Variants in NXN observed in about 807,000 individuals in gnomAD.
The protein encoded by NXN is nucleoredoxin 1.
Under a neutral mutation model 48.6 loss-of-function variants are expected in NXN, and 16 were observed. The observed-to-expected ratio is 0.33, with a 90% CI of 0.22 to 0.50. NXN has a LOEUF of 0.50. NXN is among the 20% of genes least tolerant of loss of function. The probability of loss-of-function intolerance (pLI) is 0.98; values close to 1 mark genes in which losing one functional copy is unlikely to be tolerated. For missense variants in NXN, 492 were observed against 605.5 expected, an observed-to-expected ratio of 0.81 and a Z score of 1.97; for synonymous variants, 281 against 269.6, an observed-to-expected ratio of 1.04 and a Z score of -0.41.
intron 5 of NXN, among the ~76,000 whole-genome samples, chr17:814,297 G>A (rs1912346584): frequency 6.6e-6 from 1 of 151,954 alleles, no homozygotes; most frequent in Non-Finnish European, 1.5e-5. Flanking sequence ...GGCTGTCCTA[G>A]GGTACCTTAT....
intron 1 of NXN, among the ~76,000 whole-genome samples, chr17:832,657 C>A (rs1342288624): frequency 2.0e-5 from 3 of 152,122 alleles, no homozygotes; most frequent in Non-Finnish European, 4.4e-5. Flanking sequence ...CCCTGCCCTG[C>A]CCCCAGTCTC....
chr17:972,843 A>G (rs1042881892), intron 1 of NXN, among the ~76,000 whole-genome samples: 2 of 152,148 alleles, frequency 1.3e-5, no homozygotes, highest in African/African-American at 4.8e-5. Flanking sequence ...CATCATGGCT[A>G]ACACGGTGAA....
intron 5 of NXN, among the ~76,000 whole-genome samples, chr17:805,913 C>T (rs1247336715): frequency 3.3e-5 from 5 of 152,106 alleles, no homozygotes; most frequent in Admixed American, 6.6e-5. Context: ...TGCTGGTCTC[C>T]CAAAGACACA....
chr17:855,609 A>G (rs1325050691), intron 1 of NXN, among the ~76,000 whole-genome samples: 1 of 152,220 alleles, frequency 6.6e-6, no homozygotes, highest in African/African-American at 2.4e-5. Context: ...CAGTCCTCCC[A>G]TTCTCCAGCA....
chr17:813,919 T>C (rs367946117), intron 5 of NXN, among the ~76,000 whole-genome samples: 1 of 147,200 alleles, frequency 6.8e-6, no homozygotes, highest in African/African-American at 2.5e-5. Context: ...TGAGCCAAGA[T>C]TGTGCCAATG....
chr17:836,670 T>A (rs1913841376), intron 1 of NXN, among the ~76,000 whole-genome samples: 2 of 152,180 alleles, frequency 1.3e-5, no homozygotes, highest in African/African-American at 2.4e-5. Context: ...TATCTCACCG[T>A]CTCTTGGCTT....
chr17:871,308 A>G (rs1206277646), intron 1 of NXN, among the ~76,000 whole-genome samples: 1 of 151,696 alleles, frequency 6.6e-6, no homozygotes, highest in East Asian at 1.9e-4. Flanking sequence ...GACCTCAATG[A>G]TGAGGCCAAC....
chr17:886,710 G>A (rs1398570364), intron 1 of NXN, among the ~76,000 whole-genome samples: 5 of 151,824 alleles, frequency 3.3e-5, no homozygotes, highest in African/African-American at 7.3e-5. Flanking sequence ...CTCGGGAGGT[G>A]GAGCTTGCAG....
In NXN at chr17:823,656, C is replaced by T. The variant is rs1402767184; in HGVS notation, c.588G>A (p.Val196=). 4 of 1,613,986 alleles carry T rather than the reference C, an allele frequency of 2.5e-6. No homozygotes were observed. The African/African-American group carries it at 4.0e-5, about 16-fold the overall frequency. The change falls in exon 3 of 8, where the codon GTG becomes GTA. Residue 196 remains valine, a synonymous_variant. Coordinates refer to ENST00000336868, the MANE Select transcript of NXN (RefSeq NM_022463.5). ...LESSSLEGSH[V]GVYFSAHWCP... ...CCCAATGTGCGGAGAAATAGACGCC[C>T]ACGTGAGACCCCTCCAGGCTGCTGC...
rs1051727952 is a variant in NXN at position 920,435 on chromosome 17, G to A, written c.360+58884C>T. Among the ~76,000 whole-genome samples, 6 of 151,958 alleles carry A rather than the reference G, an allele frequency of 3.9e-5. No homozygotes were observed. The highest frequency in any genetic ancestry group is 2.1e-4 in the South Asian group (1 of 4,822). ...AGGCCAATGTAGCCTTGGGGATGCC[G>A]AGCCTGCCTGATCCCAATTCCTCCA... On this transcript the variant is annotated intron_variant, in intron 1 of 7. Transcript: ENST00000336868. This position sits in a 1 kb window ranked among gnomAD's most constrained non-coding sequence, Gnocchi z 4.6.
chr17:919,830 C>A lies in NXN; in HGVS notation c.360+59489G>T, dbSNP rs1020385512. On this transcript the variant is annotated intron_variant, in intron 1 of 7. Transcript: ENST00000336868. The surrounding 1 kb of genome is among the most constrained non-coding windows in gnomAD (Gnocchi z 5.1). Reference sequence around the variant, plus strand: ...CATCATTCAATCTTGGCGGACCACACTGGTATGCGACCTCATCTAGCTACA... The same window carrying A: ...CATCATTCAATCTTGGCGGACCACAATGGTATGCGACCTCATCTAGCTACA... Among the ~76,000 whole-genome samples, 2 of 152,184 alleles carry A rather than the reference C, an allele frequency of 1.3e-5. No homozygotes were observed. Among genetic ancestry groups the A allele is most frequent in the East Asian group, 1.9e-4 (1 of 5,188 alleles).
intron 1 of NXN, among the ~76,000 whole-genome samples, chr17:882,578 G>T (rs961594075): frequency 6.6e-6 from 1 of 151,878 alleles, no homozygotes; most frequent in African/African-American, 2.4e-5. Context: ...CCATTCTCCT[G>T]CCTCAGCCTC....
rs1397669579 is a variant in NXN at position 978,008 on chromosome 17, C to G, written c.360+1311G>C. Reference sequence around the variant, plus strand: ...ATTTCATACTTTAAATCTCGAATCTCTACCTCCCACTGCTTCGGGATGGAT... The same window carrying G: ...ATTTCATACTTTAAATCTCGAATCTGTACCTCCCACTGCTTCGGGATGGAT... On this transcript the variant is annotated intron_variant, in intron 1 of 7. Coordinates refer to ENST00000336868, the MANE Select transcript of NXN (RefSeq NM_022463.5). The surrounding 1 kb of genome is among the most constrained non-coding windows in gnomAD (Gnocchi z 4.1). Among the ~76,000 whole-genome samples, 4 of 152,236 alleles carry G rather than the reference C, an allele frequency of 2.6e-5. No homozygotes were observed. The highest frequency in any genetic ancestry group is 9.6e-5 in the African/African-American group (4 of 41,458).
At chr17:904,542 T>C (rs1357658048) in intron 1 of NXN, among the ~76,000 whole-genome samples, 1 of 152,164 alleles carries the variant, frequency 6.6e-6, no homozygotes, top group Non-Finnish European at 1.5e-5. Flanking sequence ...CAGTATTTTT[T>C]CGTTTACTTG....
At chr17:944,165 G>A (rs1001172992) in intron 1 of NXN, among the ~76,000 whole-genome samples, 2 of 152,006 alleles carry the variant, frequency 1.3e-5, no homozygotes, top group African/African-American at 4.8e-5. Context: ...CTTGAACCCA[G>A]GAGGCAGAGG....
intron 1 of NXN, among the ~76,000 whole-genome samples, chr17:846,333 C>T (rs771525555): frequency 1.4e-5 from 2 of 145,752 alleles, no homozygotes; most frequent in African/African-American, 2.5e-5. Flanking sequence ...CAGGGAATTG[C>T]GTGAACCCGG....
In NXN at chr17:852,070, G is replaced by T. The variant is rs148011325; in HGVS notation, c.361-25992C>A. 1.3e-3 allele frequency among the ~76,000 whole-genome samples: 205 copies of T among 152,346 alleles called. 7 individuals carry two copies. In the East Asian group the frequency reaches 0.036, roughly 27 times the overall value. On this transcript the variant is annotated intron_variant, in intron 1 of 7. Transcript: ENST00000336868. Reference sequence around the variant, plus strand: ...GCCACCCTAATCCCTCAGGTCCTGTGCCAACGGAGGCAGCAGTGAGAAAAG... The same window carrying T: ...GCCACCCTAATCCCTCAGGTCCTGTTCCAACGGAGGCAGCAGTGAGAAAAG...
intron 5 of NXN, among the ~76,000 whole-genome samples, chr17:810,135 C>CGTTACGAGTCCGTGTGAGTGGTGTGCAT (rs1567810702): frequency 1.3e-4 from 11 of 86,392 alleles, no homozygotes; most frequent in Admixed American, 2.7e-4. Context: ...GTGGCGTGCA[C>CGTTACGAGTCCGTGTGAGTGGTGTGCAT]GTTACGAGTC....
intron 1 of NXN, among the ~76,000 whole-genome samples, chr17:891,095 CCATCCGTCCA>C (rs2068412320): frequency 6.6e-6 from 1 of 152,084 alleles, no homozygotes; most frequent in Admixed American, 6.5e-5. Flanking sequence ...ATCCGTCCGT[CCATCCGTCCA>C]TCTCACTCTG....
Sources: allele counts gnomAD v4.1 joint callset (sites outside exome capture counted in the v4.1 genomes callset), GRCh38; gene constraint gnomAD v4.1.1; non-coding constraint Gnocchi (gnomAD v3.1); transcripts MANE v1.5; gene names NCBI Gene and HGNC (gene_info 2026-07-23, HGNC 2026-07-21).